AGTPBP1: variants seen among roughly 807,000 people sequenced by gnomAD.
AGTPBP1 encodes ATP/GTP binding carboxypeptidase 1, also known as cytosolic carboxypeptidase 1.
AGTPBP1 carries 70 observed loss-of-function variants against 143.9 expected under a neutral mutation model. The observed-to-expected ratio is 0.49, with a 90% CI of 0.40 to 0.59. AGTPBP1 has a LOEUF of 0.59. Ranked by LOEUF, AGTPBP1 falls within the 20% of genes least tolerant of loss-of-function variation. AGTPBP1 has a pLI of 0.00. For synonymous variants in AGTPBP1, 463 were observed against 500.2 expected (o/e 0.93, Z 0.99); for missense variants, 1,229 against 1,464.5 (o/e 0.84, Z 2.62).
the AGTPBP1 span, chr9:85,791,596 C>T: frequency 1.3e-5 from 2 of 151,914 alleles, no homozygotes; most frequent in Non-Finnish European, 2.9e-5. Context: ...CATAGACAAG[C>T]AAAGGATTTT....
rs1349842755 is a variant in AGTPBP1 at position 85,681,348 on chromosome 9, A to G, written c.158-13T>C. 5 of 1,608,038 alleles carry G rather than the reference A, an allele frequency of 3.1e-6. No individual in the cohort carries two copies. Among genetic ancestry groups the G allele is most frequent in the Non-Finnish European group, 4.2e-6 (5 of 1,178,436 alleles). On this transcript the variant is annotated splice_polypyrimidine_tract_variant and intron_variant, in intron 3 of 25. Coordinates refer to ENST00000357081, the MANE Select transcript of AGTPBP1 (RefSeq NM_001330701.2). Reference sequence around the variant, plus strand: ...CTCCTTGTTTTTTCTGAAAAGTAGCAAACAATTTTTTTCTCAAACATAAAT... The same window carrying G: ...CTCCTTGTTTTTTCTGAAAAGTAGCGAACAATTTTTTTCTCAAACATAAAT...
intron 25 of AGTPBP1, among the ~76,000 whole-genome samples, chr9:85,559,438 A>G (rs1826557400): frequency 6.6e-6 from 1 of 151,488 alleles, no homozygotes; most frequent in Non-Finnish European, 1.5e-5. Context: ...ATGACAGTAA[A>G]AAAAAAAAAA....
rs780242109 is a variant in AGTPBP1 at position 85,681,344 on chromosome 9, T to C, written c.158-9A>G. 3 of 1,609,086 alleles carry C rather than the reference T, an allele frequency of 1.9e-6. No individual in the cohort carries two copies. The highest frequency in any genetic ancestry group is 1.1e-5 in the South Asian group (1 of 89,818). ...TTCTCTCCTTGTTTTTTCTGAAAAGTAGCAAACAATTTTTTTCTCAAACAT... is the reference window on the plus strand; with the variant it reads ...TTCTCTCCTTGTTTTTTCTGAAAAGCAGCAAACAATTTTTTTCTCAAACAT... On this transcript the variant is annotated splice_polypyrimidine_tract_variant and intron_variant, in intron 3 of 25. Coordinates refer to ENST00000357081, the MANE Select transcript of AGTPBP1 (RefSeq NM_001330701.2).
Position 85,741,891 on chromosome 9 carries a change from G to A in AGTPBP1, c.-150C>T. 4 of 1,367,874 alleles carry A rather than the reference G, an allele frequency of 2.9e-6. No homozygotes were observed. The highest frequency in any genetic ancestry group is 3.4e-5 in the South Asian group (2 of 59,244). 84.7% of individuals were successfully genotyped at this position (1,367,874 alleles called of 1,614,324 possible). ...CCGGTGTTTTCATACAAACCCCGGT[G>A]GCAGGCGAGGCGGAGGCGGCGGCGG... On this transcript the variant is annotated 5_prime_UTR_variant, in exon 1 of 26. Coordinates refer to ENST00000357081, the MANE Select transcript of AGTPBP1 (RefSeq NM_001330701.2).
At chr9:85,760,938 G>A in the AGTPBP1 span, among the ~76,000 whole-genome samples, 2 of 152,082 alleles carry the variant, frequency 1.3e-5, no homozygotes, top group Non-Finnish European at 2.9e-5. Flanking sequence ...TACAAAATCA[G>A]TGTGCAAAAA....
intron 17 of AGTPBP1, among the ~76,000 whole-genome samples, chr9:85,617,340 T>G (rs1290999694): frequency 6.6e-6 from 1 of 152,162 alleles, no homozygotes; most frequent in African/African-American, 2.4e-5. Context: ...CACATATGTT[T>G]CTTCTCAAGC....
At chr9:85,762,595 G>A in the AGTPBP1 span, among the ~76,000 whole-genome samples, 1 of 145,346 alleles carries the variant, frequency 6.9e-6, no homozygotes, top group Non-Finnish European at 1.5e-5. Flanking sequence ...CACAGGAAGG[G>A]GAACATCACA....
At chr9:85,641,911 C>T (rs1832499268) in intron 13 of AGTPBP1, among the ~76,000 whole-genome samples, 1 of 152,072 alleles carries the variant, frequency 6.6e-6, no homozygotes, top group East Asian at 1.9e-4. Flanking sequence ...ATTGGTCAGG[C>T]TGGTCTCGAA....
intron 23 of AGTPBP1, among the ~76,000 whole-genome samples, chr9:85,583,450 G>T (rs35489371): frequency 6.6e-6 from 1 of 152,058 alleles, no homozygotes; most frequent in Non-Finnish European, 1.5e-5. Context: ...ATTACCTGAC[G>T]TAACTAATTA....
At chr9:85,783,669 T>C in the AGTPBP1 span, among the ~76,000 whole-genome samples, 1 of 152,034 alleles carries the variant, frequency 6.6e-6, no homozygotes, top group East Asian at 1.9e-4. Flanking sequence ...AGTTTCACTC[T>C]TGTTACCCAG....
chr9:85,572,029 TTTTTTTTTTTTTTTTG>T (rs1827528153), intron 25 of AGTPBP1, among the ~76,000 whole-genome samples: 2 of 98,062 alleles, frequency 2.0e-5, no homozygotes. Context: ...TTTTTTTTTT[TTTTTTTTTTTTTTTTG>T]AGGCACAGTT....
Position 85,632,725 on chromosome 9 carries a change from T to C in AGTPBP1, c.1952A>G (p.Tyr651Cys). ...GAATGGAGGCGGAATGTGACCAAAA[T>C]AATCGGGATAAGCCACCTCTGAATA... is the stretch of plus-strand genomic sequence containing the variant. ...PEYSEVAYPD[Y>C]FGHIPPPFKE... The change falls in exon 14 of 26, where the codon TAT becomes TGT. Residue 651 changes from tyrosine to cysteine, a missense_variant. This residue lies in a region of AGTPBP1 where 743 missense variants were observed against 812.2 expected (regional missense o/e 0.91). Coordinates refer to ENST00000357081, the MANE Select transcript of AGTPBP1 (RefSeq NM_001330701.2). 2 of 1,613,960 alleles carry C rather than the reference T, an allele frequency of 1.2e-6. No homozygotes were observed. Among genetic ancestry groups the C allele is most frequent in the East Asian group, 4.5e-5 (2 of 44,886 alleles).
chr9:85,652,643 G>T (rs898245763), intron 11 of AGTPBP1, among the ~76,000 whole-genome samples: 1 of 152,102 alleles, frequency 6.6e-6, no homozygotes, highest in Non-Finnish European at 1.5e-5. Context: ...TCTATGCATC[G>T]CTTCCATTTA....
At chr9:85,716,819 G>A (rs1243841376) in intron 1 of AGTPBP1, among the ~76,000 whole-genome samples, 1 of 152,070 alleles carries the variant, frequency 6.6e-6, no homozygotes, top group Non-Finnish European at 1.5e-5. Context: ...AGCCCTGTGC[G>A]GCTGCCAATT....
intron 2 of AGTPBP1, among the ~76,000 whole-genome samples, chr9:85,695,583 C>T (rs941210729): frequency 1.3e-5 from 2 of 152,110 alleles, no homozygotes; most frequent in Non-Finnish European, 2.9e-5. Flanking sequence ...TTTTTCACCA[C>T]CATGAATTTG....
At chr9:85,777,746 C>T in the AGTPBP1 span, among the ~76,000 whole-genome samples, 1 of 152,228 alleles carries the variant, frequency 6.6e-6, no homozygotes, top group Non-Finnish European at 1.5e-5. Flanking sequence ...TCCAATCATG[C>T]TTCTTCCAAG....
intron 6 of AGTPBP1, 143 bp downstream of exon 6, chr9:85,677,293 C>T: frequency 2.9e-6 from 2 of 699,686 alleles, no homozygotes; most frequent in Non-Finnish European, 4.5e-6. Flanking sequence ...TCATGTGTAC[C>T]CCCATAAACA....
chr9:85,674,199 T>C (rs1834679831), intron 6 of AGTPBP1, among the ~76,000 whole-genome samples: 1 of 148,080 alleles, frequency 6.8e-6, no homozygotes, highest in Non-Finnish European at 1.5e-5. Flanking sequence ...AATAACTCAA[T>C]ATTCCTGAGG....
intron 25 of AGTPBP1, among the ~76,000 whole-genome samples, chr9:85,557,582 T>C (rs1016713648): frequency 1.3e-5 from 2 of 152,204 alleles, no homozygotes; most frequent in Non-Finnish European, 1.5e-5. Context: ...ACCACAGCTA[T>C]TAGAAAGGAA....
Sources: gnomAD v4.1 joint callset for allele counts (sites outside exome capture counted in the v4.1 genomes callset) on GRCh38, gnomAD v4.1.1 for gene constraint, gnomAD v4.1.1 regional missense constraint, MANE v1.5 for transcripts, NCBI Gene and HGNC (gene_info 2026-07-23, HGNC 2026-07-21) for gene names.